CEP128: variants seen among roughly 807,000 people sequenced by gnomAD.
CEP128 encodes centrosomal protein 128.
Under a neutral mutation model 156.7 loss-of-function variants are expected in CEP128, and 132 were observed. That is an observed-to-expected ratio of 0.84 (90% CI 0.73 to 0.97). The LOEUF is 0.97. Among genes scored for constraint, CEP128 ranks in the 50% least tolerant of loss-of-function variants. The pLI is 0.00. For missense variants in CEP128, 1,252 were observed against 1,281.9 expected, an observed-to-expected ratio of 0.98 and a Z score of 0.36; for synonymous variants, 469 against 448.9, an observed-to-expected ratio of 1.04 and a Z score of -0.57.
intron 24 of CEP128, among the ~76,000 whole-genome samples, chr14:80,498,274 T>C (rs921220437): frequency 5.3e-5 from 8 of 152,134 alleles, no homozygotes; most frequent in Admixed American, 2.6e-4. Context: ...TCCCCATTAC[T>C]CTCATCAGCC....
At chr14:80,639,125 T>C (rs1181477140) in intron 19 of CEP128, among the ~76,000 whole-genome samples, 1 of 152,082 alleles carries the variant, frequency 6.6e-6, no homozygotes, top group Non-Finnish European at 1.5e-5. Context: ...CCAAAAAAAA[T>C]CTGTATTAAT....
chr14:80,850,346 T>G (rs1294842953), intron 9 of CEP128, among the ~76,000 whole-genome samples: 3 of 152,206 alleles, frequency 2.0e-5, no homozygotes, highest in African/African-American at 7.2e-5. Flanking sequence ...TAATTGTTTT[T>G]CAATAAATTT....
chr14:80,690,661 T>C (rs1295464473), intron 19 of CEP128, among the ~76,000 whole-genome samples: 2 of 152,180 alleles, frequency 1.3e-5, no homozygotes, highest in African/African-American at 4.8e-5. Context: ...AAAGACTCAC[T>C]TCAAATTTGC....
intron 8 of CEP128, among the ~76,000 whole-genome samples, chr14:80,864,165 A>G (rs927462802): frequency 6.6e-6 from 1 of 152,184 alleles, no homozygotes; most frequent in African/African-American, 2.4e-5. Flanking sequence ...TTACTTTATT[A>G]TAAGAATACA....
At chr14:80,952,556 G>A (rs937521041) in intron 2 of CEP128, among the ~76,000 whole-genome samples, 2 of 151,844 alleles carry the variant, frequency 1.3e-5, no homozygotes, top group Admixed American at 6.6e-5. Context: ...AAAGAAAAAT[G>A]GCCTCAAATC....
At chr14:80,640,261 A>G (rs973135815) in intron 19 of CEP128, among the ~76,000 whole-genome samples, 14 of 152,314 alleles carry the variant, frequency 9.2e-5, no homozygotes, top group African/African-American at 3.1e-4. Context: ...GATAAAGGGA[A>G]AACTATTTTT....
intron 20 of CEP128, among the ~76,000 whole-genome samples, chr14:80,567,949 A>T (rs1410145049): frequency 6.6e-6 from 1 of 152,072 alleles, no homozygotes; most frequent in Non-Finnish European, 1.5e-5. Context: ...TTACATTTAA[A>T]AAAAAAAAAG....
At chr14:80,565,817 T>C (rs1345240761) in intron 20 of CEP128, among the ~76,000 whole-genome samples, 1 of 152,194 alleles carries the variant, frequency 6.6e-6, no homozygotes, top group East Asian at 1.9e-4. Flanking sequence ...CAGAGATGAA[T>C]TAGAAACTTA....
chr14:80,607,723 C>T (rs1258008978), intron 19 of CEP128, among the ~76,000 whole-genome samples: 1 of 152,144 alleles, frequency 6.6e-6, no homozygotes, highest in Non-Finnish European at 1.5e-5. Flanking sequence ...TTTCACAGGC[C>T]TAGCTTCTTC....
rs1889315460 is a variant in CEP128, at chr14:80,895,722, T to C, written c.641A>G (p.Glu214Gly). ...TTATTAAAAAAGAGATCTCACCACT[T>C]CTTGTTTCTGGGCTTCATTAAGTTT... is the stretch of plus-strand genomic sequence containing the variant. ...TEKLNEAQKQ[E>G]VVSDRVERRL... Residue 214 changes from glutamate to glycine, a missense_variant, in exon 8 of 25, where the codon GAA (glutamate) becomes GGA (glycine). Coordinates refer to ENST00000555265, the MANE Select transcript of CEP128 (RefSeq NM_152446.5). 17 of 1,570,548 alleles carry C rather than the reference T, an allele frequency of 1.1e-5. No homozygotes were observed. Among genetic ancestry groups the C allele is most frequent in the Non-Finnish European group, 1.5e-5 (17 of 1,156,048 alleles).
At position 80,530,659 on chromosome 14, in the gene CEP128, G is replaced by A. The variant is rs1018368059; in HGVS notation, c.2958+150C>T. 2.3e-5 allele frequency: 10 copies of A among 440,302 alleles called. No individual in the cohort carries two copies. In the Middle Eastern group the frequency reaches 2.0e-3, roughly 86 times the overall value. The allele number at this position is 440,302 out of a possible 1,614,324, so 27.3% of individuals were successfully genotyped here. A position where few individuals can be genotyped will look rare whatever the true frequency, so the allele number is the denominator to read the frequency against. The stretch of plus-strand genomic sequence containing the variant: ...TGTTTTCAATTCTAACTTCACAAAT[G>A]TCAATAAACCCTGATAAGGTGGTAT... On this transcript the variant is annotated intron_variant, in intron 22 of 24. Coordinates refer to ENST00000555265, the MANE Select transcript of CEP128 (RefSeq NM_152446.5).
chr14:80,526,487 T>C (rs1407616043), intron 23 of CEP128, among the ~76,000 whole-genome samples: 1 of 152,112 alleles, frequency 6.6e-6, no homozygotes, highest in Non-Finnish European at 1.5e-5. Flanking sequence ...AAGTACAATA[T>C]ATTATCTGAC....
At chr14:80,657,975 T>C (rs555250162) in intron 19 of CEP128, among the ~76,000 whole-genome samples, 4 of 151,990 alleles carry the variant, frequency 2.6e-5, no homozygotes, top group East Asian at 3.9e-4. Flanking sequence ...CAAGGCTCCA[T>C]TGAATATCTA....
At chr14:80,874,147 T>G (rs900427410) in intron 8 of CEP128, among the ~76,000 whole-genome samples, 4 of 152,120 alleles carry the variant, frequency 2.6e-5, no homozygotes, top group Admixed American at 2.6e-4. Context: ...GTTGAAAAAC[T>G]TAGTCAAATC....
chr14:80,820,977 G>A (rs1240012128), intron 13 of CEP128, among the ~76,000 whole-genome samples: 1 of 151,518 alleles, frequency 6.6e-6, no homozygotes, highest in Non-Finnish European at 1.5e-5. Context: ...CACATTTAAT[G>A]TGCTTGAAAA....
chr14:80,706,608 A>G (rs540788228), intron 19 of CEP128, among the ~76,000 whole-genome samples: 5 of 152,072 alleles, frequency 3.3e-5, no homozygotes, highest in Middle Eastern at 3.2e-3. Flanking sequence ...CAAAAGTTTA[A>G]TTATGATGTG....
chr14:80,834,034 T>A (rs1218732845), intron 12 of CEP128, among the ~76,000 whole-genome samples: 1 of 152,052 alleles, frequency 6.6e-6, no homozygotes, highest in Non-Finnish European at 1.5e-5. Flanking sequence ...TATGGAGATA[T>A]CCAATGAGCA....
intron 10 of CEP128, among the ~76,000 whole-genome samples, chr14:80,840,088 A>G (rs761351938): frequency 1.7e-4 from 26 of 152,200 alleles, no homozygotes; most frequent in Non-Finnish European, 3.7e-4. Flanking sequence ...AATACGGAGT[A>G]AAGAACAGGG....
chr14:80,499,179 C>T (rs766285757), intron 24 of CEP128, among the ~76,000 whole-genome samples: 6 of 152,148 alleles, frequency 3.9e-5, no homozygotes, highest in East Asian at 1.9e-4. Context: ...TAATCTTTGG[C>T]ATTTTACTCT....
Sources: gnomAD v4.1 joint callset for allele counts (sites outside exome capture counted in the v4.1 genomes callset) on GRCh38, gnomAD v4.1.1 for gene constraint, MANE v1.5 for transcripts, NCBI Gene and HGNC (gene_info 2026-07-23, HGNC 2026-07-21) for gene names.